The following HCK variants were observed in gnomAD, a reference collection of about 807,000 sequenced individuals.
HCK encodes HCK proto-oncogene, Src family tyrosine kinase, also known as tyrosine-protein kinase HCK.
Under a neutral mutation model 70.4 loss-of-function variants are expected in HCK, and 40 were observed. That is an observed-to-expected ratio of 0.57 (90% CI 0.44 to 0.74). HCK has a LOEUF of 0.74. Among genes scored for constraint, HCK ranks in the 30% least tolerant of loss-of-function variants. HCK has a pLI of 0.00. For missense variants in HCK, 568 were observed against 697.2 expected, an observed-to-expected ratio of 0.81 and a Z score of 2.09; for synonymous variants, 245 against 263.2, an observed-to-expected ratio of 0.93 and a Z score of 0.67.
intron 11 of HCK, 80 bp downstream of exon 11, chr20:32,094,096 T>C (rs777190424): frequency 7.9e-6 from 11 of 1,386,586 alleles, no homozygotes; most frequent in African/African-American, 1.4e-5. Flanking sequence ...GTGAGAGCGA[T>C]TGGTAAAATG....
chr20:32,076,979 A>G (rs1177872750), intron 5 of HCK, among the ~76,000 whole-genome samples: 1 of 152,096 alleles, frequency 6.6e-6, no homozygotes, highest in Non-Finnish European at 1.5e-5. Context: ...CCAGCTACTC[A>G]GAGGCTGAGG....
intron 7 of HCK, 70 bp from the exon 8 acceptor site, chr20:32,084,321 G>A (rs1568994510): frequency 1.5e-5 from 22 of 1,489,828 alleles, no homozygotes; most frequent in East Asian, 2.4e-5. Context: ...CAGGTAGGGC[G>A]GCCTCCAAGG....
chr20:32,074,993 T>C (rs368583419), intron 5 of HCK, among the ~76,000 whole-genome samples: 22 of 152,162 alleles, frequency 1.4e-4, no homozygotes, highest in African/African-American at 5.3e-4. Flanking sequence ...GTTTCTTTGG[T>C]TGGTTACACG....
At chr20:32,068,806 T>C (rs562042990) in intron 1 of HCK, among the ~76,000 whole-genome samples, 27 of 150,348 alleles carry the variant, frequency 1.8e-4, no homozygotes, top group Non-Finnish European at 3.4e-4. Context: ...TAGCCAGGCA[T>C]GGTAGTTTGT....
intron 1 of HCK, among the ~76,000 whole-genome samples, chr20:32,058,557 A>G (rs1437973520): frequency 6.7e-6 from 1 of 148,604 alleles, no homozygotes; most frequent in Non-Finnish European, 1.5e-5. Context: ...GGGAGAACTG[A>G]GGAGGATACT....
chr20:32,056,176 C>T (rs1052634861), intron 1 of HCK, among the ~76,000 whole-genome samples: 9 of 152,154 alleles, frequency 5.9e-5, no homozygotes, highest in Admixed American at 5.9e-4. Context: ...TTTTCAATTC[C>T]TTTGGGTATA....
chr20:32,077,511 CTGTTTTGTTTTGTTT>C (rs66527980), intron 5 of HCK, among the ~76,000 whole-genome samples: 4 of 150,808 alleles, frequency 2.7e-5, no homozygotes, highest in African/African-American at 9.8e-5. Context: ...CACCTTGTTC[CTGTTTTGTTTTGTTT>C]TGTTTTGTTT....
chr20:32,087,371 A>G (rs1407288058), intron 9 of HCK, among the ~76,000 whole-genome samples: 1 of 151,652 alleles, frequency 6.6e-6, no homozygotes, highest in East Asian at 1.9e-4. Context: ...AGGTGCAATC[A>G]TAACTCCTGG....
rs112610391 is a variant in HCK at position 32,071,752 on chromosome 20, C to T, written c.153C>T (p.Tyr51=). Residue 51 remains tyrosine, a synonymous_variant, in exon 2 of 13, where the codon TAC becomes TAT. Coordinates refer to ENST00000375852, the MANE Select transcript of HCK (RefSeq NM_002110.5). ...GCGCCAGCCCACACTGTCCTGTGTA[C>T]GTGCCGGATCCCACATCCACCATCA... 63 of 1,613,958 alleles carry T rather than the reference C, an allele frequency of 3.9e-5. No homozygotes were observed. Among genetic ancestry groups the T allele is most frequent in the Admixed American group, 1.8e-4 (11 of 59,994 alleles).
At chr20:32,066,995 C>CA (rs1168950977) in intron 1 of HCK, among the ~76,000 whole-genome samples, 1 of 152,170 alleles carries the variant, frequency 6.6e-6, no homozygotes, top group African/African-American at 2.4e-5. Flanking sequence ...CCCTGTTCTT[C>CA]AAAACCCAAC....
intron 1 of HCK, among the ~76,000 whole-genome samples, chr20:32,063,319 T>C (rs1169339408): frequency 6.6e-6 from 1 of 152,080 alleles, no homozygotes; most frequent in Non-Finnish European, 1.5e-5. Context: ...GTGGCATGAC[T>C]ACAACTCATT....
rs376354017 is a variant in HCK at position 32,093,901 on chromosome 20, C to T, written c.1131C>T (p.Tyr377=). The change falls in exon 11 of 13, where the codon TAC becomes TAT. Residue 377 remains tyrosine, a synonymous_variant. Transcript: ENST00000375852. ...TGGCCTTCATCGAGCAGAGGAACTACATCCACCGAGACCTCCGAGCTGCCA... is the reference window on the plus strand; with the variant it reads ...TGGCCTTCATCGAGCAGAGGAACTATATCCACCGAGACCTCCGAGCTGCCA... 1 of 1,613,964 alleles carries T rather than the reference C, an allele frequency of 6.2e-7. No homozygotes were observed. Among genetic ancestry groups the T allele is most frequent in the Non-Finnish European group, 8.5e-7 (1 of 1,179,920 alleles).
At chr20:32,058,821 C>T (rs1287407382) in intron 1 of HCK, among the ~76,000 whole-genome samples, 1 of 152,116 alleles carries the variant, frequency 6.6e-6, no homozygotes, top group Non-Finnish European at 1.5e-5. Flanking sequence ...AGCCCAGTTA[C>T]CACTGCGGGC....
chr20:32,100,892 C>T (rs1472883998), intron 12 of HCK, among the ~76,000 whole-genome samples: 2 of 152,220 alleles, frequency 1.3e-5, no homozygotes, highest in Non-Finnish European at 2.9e-5. Context: ...CAATCTATTA[C>T]TCCCAATCTT....
chr20:32,089,418 T>A (rs1287493339), intron 10 of HCK, among the ~76,000 whole-genome samples: 1 of 152,238 alleles, frequency 6.6e-6, no homozygotes, highest in Non-Finnish European at 1.5e-5. Flanking sequence ...GTTACTGTGC[T>A]AATTATGGGG....
intron 1 of HCK, among the ~76,000 whole-genome samples, chr20:32,059,476 CCTT>C (rs979381445): frequency 3.5e-5 from 5 of 144,780 alleles, no homozygotes; most frequent in African/African-American, 1.3e-4. Context: ...TCCTCCTCCT[CCTT>C]CTTCTTCTTT....
At chr20:32,088,689 T>A in intron 10 of HCK, 45 bp downstream of exon 10, 1 of 1,468,836 alleles carries the variant, frequency 6.8e-7, no homozygotes, top group Non-Finnish European at 9.5e-7. Flanking sequence ...AGGAATTCGA[T>A]TTTTTTACTT....
chr20:32,067,783 T>G (rs564673525), intron 1 of HCK, among the ~76,000 whole-genome samples: 14 of 152,086 alleles, frequency 9.2e-5, no homozygotes, highest in Non-Finnish European at 1.5e-4. Flanking sequence ...AGACGGCTGT[T>G]GAGCACAGAT....
chr20:32,094,767 A>G (rs1220940707), intron 11 of HCK, among the ~76,000 whole-genome samples: 3,041 of 114,478 alleles, frequency 0.027, 117 homozygotes, highest in African/African-American at 0.03. Flanking sequence ...GAAAGAAGGA[A>G]AGAAAGAAAG....
Sources: gnomAD v4.1 joint callset for allele counts (sites outside exome capture counted in the v4.1 genomes callset) on GRCh38, gnomAD v4.1.1 for gene constraint, MANE v1.5 for transcripts, NCBI Gene and HGNC (gene_info 2026-07-23, HGNC 2026-07-21) for gene names.